TRIM9: variants seen among roughly 807,000 people sequenced by gnomAD.
The protein encoded by TRIM9 is tripartite motif containing 9, also known as E3 ubiquitin-protein ligase TRIM9.
Under a neutral mutation model 78.3 loss-of-function variants are expected in TRIM9, and 26 were observed. That is an observed-to-expected ratio of 0.33 (90% confidence interval 0.24 to 0.46). The LOEUF is 0.46. Among genes scored for constraint, TRIM9 ranks in the 20% least tolerant of loss-of-function variants. The probability of loss-of-function intolerance (pLI) is 1.00; values close to 1 mark genes in which losing one functional copy is unlikely to be tolerated. For missense variants in TRIM9, 787 were observed against 1,036.4 expected (o/e 0.76, Z 3.30); for synonymous variants, 398 against 416.5 (o/e 0.96, Z 0.54).
At chr14:51,082,331 G>C (rs2063375876) in intron 1 of TRIM9, among the ~76,000 whole-genome samples, 1 of 152,166 alleles carries the variant, frequency 6.6e-6, no homozygotes, top group South Asian at 2.1e-4. Context: ...ATTAGTAATA[G>C]CCAAAAAGTG....
At chr14:51,016,379 C>T (rs2139698723) in intron 3 of TRIM9, among the ~76,000 whole-genome samples, 1 of 152,146 alleles carries the variant, frequency 6.6e-6, no homozygotes, top group South Asian at 2.1e-4. Context: ...ACTGCGCATG[C>T]AAGGGATCTA....
chr14:51,046,245 GC>G (rs1248154539), intron 1 of TRIM9, among the ~76,000 whole-genome samples: 7 of 152,122 alleles, frequency 4.6e-5, no homozygotes, highest in Non-Finnish European at 8.8e-5. Context: ...CACTTGTGGG[GC>G]TGGACCTAGT....
At chr14:50,979,040 T>A in intron 12 of TRIM9, 1 of 1,292,968 alleles carries the variant, frequency 7.7e-7, no homozygotes, top group Non-Finnish European at 9.8e-7. Flanking sequence ...CTCCTGAGCT[T>A]TGTTAAGTCA....
At chr14:50,978,323 T>C (rs2051330113) in intron 12 of TRIM9, among the ~76,000 whole-genome samples, 1 of 152,188 alleles carries the variant, frequency 6.6e-6, no homozygotes, top group African/African-American at 2.4e-5. Flanking sequence ...TAGTTGTTAA[T>C]GAGATGCCCA....
At chr14:51,003,843 C>T (rs1268938766) in intron 5 of TRIM9, among the ~76,000 whole-genome samples, 1 of 152,136 alleles carries the variant, frequency 6.6e-6, no homozygotes, top group Non-Finnish European at 1.5e-5. Flanking sequence ...CTTATTTACC[C>T]CCAGTGATGT....
chr14:51,027,987 C>G (rs546723130), intron 1 of TRIM9, among the ~76,000 whole-genome samples: 2 of 152,264 alleles, frequency 1.3e-5, no homozygotes, highest in East Asian at 3.9e-4. Flanking sequence ...TGCCTGGTGT[C>G]TTGTATTCCA....
intron 3 of TRIM9, among the ~76,000 whole-genome samples, chr14:51,019,297 T>C (rs2057520433): frequency 6.6e-6 from 1 of 152,242 alleles, no homozygotes; most frequent in South Asian, 2.1e-4. Flanking sequence ...AAAACACTTC[T>C]TCCCTCAGTA....
At chr14:51,072,914 G>GT (rs2062423697) in intron 1 of TRIM9, among the ~76,000 whole-genome samples, 1 of 152,096 alleles carries the variant, frequency 6.6e-6, no homozygotes. Flanking sequence ...GTGATAAACT[G>GT]TTTCTGATTA....
At chr14:50,987,755 C>A (rs1462498545) in intron 7 of TRIM9, among the ~76,000 whole-genome samples, 4 of 151,946 alleles carry the variant, frequency 2.6e-5, no homozygotes, top group African/African-American at 9.7e-5. Flanking sequence ...AAGGCATTTA[C>A]AACTATATTT....
intron 1 of TRIM9, among the ~76,000 whole-genome samples, chr14:51,027,826 A>G (rs1224531215): frequency 7.0e-6 from 1 of 142,122 alleles, no homozygotes; most frequent in African/African-American, 2.8e-5. Context: ...TTGTTACTTT[A>G]GAACTCATAT....
At chr14:51,016,680 C>T (rs953002076) in intron 3 of TRIM9, among the ~76,000 whole-genome samples, 3 of 151,892 alleles carry the variant, frequency 2.0e-5, no homozygotes, top group East Asian at 3.9e-4. Flanking sequence ...TGCAGGGAAT[C>T]GTGGAATCAA....
At chr14:51,050,225 C>T (rs973542004) in intron 1 of TRIM9, among the ~76,000 whole-genome samples, 1 of 152,132 alleles carries the variant, frequency 6.6e-6, no homozygotes, top group Non-Finnish European at 1.5e-5. Context: ...GTGTCCCCAC[C>T]CAAATCTCAT....
At chr14:50,983,279 C>T (rs1327962229) in intron 9 of TRIM9, 101 bp downstream of exon 9, 18 of 999,440 alleles carry the variant, frequency 1.8e-5, no homozygotes, top group Non-Finnish European at 2.5e-5. Context: ...GACAATTAGA[C>T]AATTTTATTG....
intron 1 of TRIM9, among the ~76,000 whole-genome samples, chr14:51,086,012 A>C (rs8009735): frequency 0.35 from 53,603 of 152,078 alleles, 9,791 homozygotes; most frequent in Admixed American, 0.42. Context: ...CTCTTTCCTC[A>C]TGCACCACAA....
chr14:51,025,400 A>G (rs1308964426), intron 1 of TRIM9, 40 bp from the exon 2 acceptor site: 1 of 1,600,342 alleles, frequency 6.2e-7, no homozygotes, highest in African/African-American at 1.3e-5. Flanking sequence ...CTGTAATCAC[A>G]GGATACACCA....
intron 1 of TRIM9, among the ~76,000 whole-genome samples, chr14:51,030,756 G>C (rs1420891366): frequency 6.6e-6 from 1 of 151,990 alleles, no homozygotes; most frequent in South Asian, 2.1e-4. Context: ...TCTTGGCTTT[G>C]GGGGAGGCTC....
intron 3 of TRIM9, among the ~76,000 whole-genome samples, chr14:51,020,958 T>A (rs1160384366): frequency 6.6e-6 from 1 of 152,220 alleles, no homozygotes; most frequent in Non-Finnish European, 1.5e-5. Context: ...AAGAGATATT[T>A]CCATTAAGAA....
chr14:51,009,043 G>C (rs1304701958), intron 5 of TRIM9, 37 bp downstream of exon 5: 5 of 1,608,102 alleles, frequency 3.1e-6, no homozygotes, highest in Non-Finnish European at 4.2e-6. Context: ...ATCCACTCAG[G>C]ATGTTGCTCT....
intron 7 of TRIM9, among the ~76,000 whole-genome samples, chr14:50,992,597 GA>G: frequency 6.6e-6 from 1 of 152,020 alleles, no homozygotes; most frequent in Non-Finnish European, 1.5e-5. Flanking sequence ...ATGAATGAAT[GA>G]ATGAATAAAT....
Sources: allele counts gnomAD v4.1 joint callset (sites outside exome capture counted in the v4.1 genomes callset), GRCh38; gene constraint gnomAD v4.1.1; transcripts MANE v1.5; gene names NCBI Gene and HGNC (gene_info 2026-07-23, HGNC 2026-07-21).